The following MTG1 variants were observed in gnomAD, a reference collection of about 807,000 sequenced individuals.
The protein encoded by MTG1 is mitochondrial ribosome-associated GTPase 1.
MTG1 carries 30 observed loss-of-function variants against 39.5 expected under a neutral mutation model. That is an observed-to-expected ratio of 0.76 (90% CI 0.57 to 1.03). MTG1 has a LOEUF of 1.03. Among genes scored for constraint, MTG1 ranks in the 50% least tolerant of loss-of-function variants. The pLI is 0.00. For synonymous variants in MTG1, 217 were observed against 179.0 expected (o/e 1.21, Z -1.69); for missense variants, 513 against 447.4 (o/e 1.15, Z -1.32).
At chr10:133,419,633 A>G (rs1470372081) in intron 10 of MTG1, 41 bp downstream of exon 10, 2 of 1,521,514 alleles carry the variant, frequency 1.3e-6, no homozygotes, top group Non-Finnish European at 1.8e-6. Flanking sequence ...GCCTCACCCC[A>G]TCACCCTGGG....
chr10:133,405,672 G>A (rs1849959447), intron 9 of MTG1, among the ~76,000 whole-genome samples: 1 of 152,112 alleles, frequency 6.6e-6, no homozygotes, highest in Admixed American at 6.5e-5. Context: ...ACAAGATTTC[G>A]TCCTTTGTTA....
chr10:133,422,386 T>C lies in MTG1; in HGVS notation c.*2221T>C, dbSNP rs1056521. 0.23 allele frequency: 34,721 copies of C among 152,406 alleles called. 4,185 individuals carry two copies. Among genetic ancestry groups the C allele is most frequent in the East Asian group, 0.34 (1,735 of 5,158 alleles). 9.4% of individuals were successfully genotyped at this position (152,406 alleles called of 1,614,324 possible). ...CCTCTTCAGCGGGATTGGCAGTTGC[T>C]GTGCCCTGAGAACAGGCAGAACTGT... is the stretch of plus-strand genomic sequence containing the variant. On this transcript the variant is annotated 3_prime_UTR_variant, in exon 11 of 11. Transcript: ENST00000317502.
chr10:133,405,242 T>G (rs1355410197), intron 9 of MTG1, among the ~76,000 whole-genome samples: 2 of 152,224 alleles, frequency 1.3e-5, no homozygotes. Flanking sequence ...TATATTGAAC[T>G]CTTTTTTAAA....
intron 9 of MTG1, 27 bp from the exon 10 acceptor site, chr10:133,419,452 CT>C (rs952339740): frequency 1.2e-5 from 18 of 1,560,138 alleles, no homozygotes; most frequent in Non-Finnish European, 1.5e-5. Flanking sequence ...GCTGGGCCCC[CT>C]GGTGCTGACC....
Position 133,400,436 on chromosome 10 carries a change from C to T in MTG1, c.511+817C>T, listed in dbSNP as rs557915569. 6.0e-4 allele frequency among the ~76,000 whole-genome samples: 91 copies of T among 152,312 alleles called. 2 individuals carry two copies. In the South Asian group the frequency reaches 0.019, roughly 32 times the overall value. ...CGAGCACCCTTCACTGCCCCGTGGG[C>T]TCTTTTCCTTAAGTATTTTCAAGTT... On this transcript the variant is annotated intron_variant, in intron 6 of 10. Transcript: ENST00000317502.
intron 5 of MTG1, 63 bp from the exon 6 acceptor site, chr10:133,399,465 GT>G (rs776611060): frequency 7.5e-5 from 114 of 1,525,686 alleles, no homozygotes; most frequent in Non-Finnish European, 9.5e-5. Context: ...CCTGGGTGGG[GT>G]TGCAGAGTCT....
intron 9 of MTG1, among the ~76,000 whole-genome samples, chr10:133,407,655 G>A (rs769971241): frequency 1.3e-5 from 2 of 150,566 alleles, no homozygotes; most frequent in African/African-American, 2.5e-5. Flanking sequence ...CGCAACCTCC[G>A]CTTCCTGGGT....
At chr10:133,417,535 A>T (rs1850149370) in intron 9 of MTG1, among the ~76,000 whole-genome samples, 1 of 151,762 alleles carries the variant, frequency 6.6e-6, no homozygotes, top group African/African-American at 2.4e-5. Context: ...CAGGGCAGTT[A>T]GGCAGGAGAA....
intron 9 of MTG1, among the ~76,000 whole-genome samples, chr10:133,405,351 G>A (rs984468059): frequency 1.3e-5 from 2 of 152,178 alleles, no homozygotes; most frequent in African/African-American, 4.8e-5. Flanking sequence ...ATCAGATCAG[G>A]GTAATTGGGA....
chr10:133,399,134 A>G, intron 4 of MTG1, 36 bp from the exon 5 acceptor site: 2 of 1,613,898 alleles, frequency 1.2e-6, no homozygotes, highest in Non-Finnish European at 1.7e-6. Context: ...CAGACGTCCG[A>G]CCTGGGGTGG....
chr10:133,395,960 G>A (rs564291618), intron 2 of MTG1, among the ~76,000 whole-genome samples, 183 bp downstream of exon 2: 4 of 152,174 alleles, frequency 2.6e-5, no homozygotes, highest in Non-Finnish European at 5.9e-5. Flanking sequence ...ATATATCTGC[G>A]TCACTCAAGC....
In MTG1 at chr10:133,394,344, C is replaced by T; in HGVS notation, c.112+12C>T. The T allele has an allele frequency of 1.3e-6, 2 of 1,487,570 alleles. No homozygotes were observed. Among genetic ancestry groups the T allele is most frequent in the Non-Finnish European group, 1.8e-6 (2 of 1,122,718 alleles). 92.1% of individuals were successfully genotyped at this position (1,487,570 alleles called of 1,614,324 possible). A position where few individuals can be genotyped will look rare whatever the true frequency, so the allele number is the denominator to read the frequency against. ...CCACATGGCCAAGGGTGAGGCACGG[C>T]GGGGAGGGGCAAGGTCATGCCTACG... On this transcript the variant is annotated intron_variant, in intron 1 of 10. Coordinates refer to ENST00000317502, the MANE Select transcript of MTG1 (RefSeq NM_138384.4).
intron 9 of MTG1, among the ~76,000 whole-genome samples, chr10:133,418,247 TC>T (rs1850166000): frequency 6.6e-6 from 1 of 152,262 alleles, no homozygotes; most frequent in Admixed American, 6.5e-5. Flanking sequence ...CCTCAAGTGA[TC>T]CGTCCACCTT....
chr10:133,404,252 A>G (rs1296165091), intron 9 of MTG1, among the ~76,000 whole-genome samples: 2 of 148,320 alleles, frequency 1.3e-5, no homozygotes, highest in Admixed American at 6.8e-5. Context: ...TCAGCCTCCC[A>G]AGTAGCTGAG....
intron 9 of MTG1, among the ~76,000 whole-genome samples, chr10:133,409,351 G>T (rs1047187384): frequency 5.3e-5 from 8 of 152,084 alleles, no homozygotes; most frequent in Non-Finnish European, 5.9e-5. Context: ...TAGTTTTTGA[G>T]GTTCCTCTTG....
At position 133,420,175 on chromosome 10, in the gene MTG1, G is replaced by T. The variant is rs2133521167; in HGVS notation, c.*10G>T. On this transcript the variant is annotated 3_prime_UTR_variant, in exon 11 of 11. Coordinates refer to ENST00000317502, the MANE Select transcript of MTG1 (RefSeq NM_138384.4). ...TGAGACTTTGCCCTGAACTTGTCCG[G>T]GTAGGGAGGGCCGGAGGCATGTGGC... is the stretch of plus-strand genomic sequence containing the variant. 6 of 1,602,210 alleles carry T rather than the reference G, an allele frequency of 3.7e-6. No homozygotes were observed. In the East Asian group the frequency reaches 1.3e-4, roughly 36 times the overall value.
intron 3 of MTG1, among the ~76,000 whole-genome samples, 166 bp from the exon 4 acceptor site, chr10:133,398,269 G>T (rs538627218): frequency 5.3e-5 from 8 of 152,140 alleles, no homozygotes; most frequent in Admixed American, 2.6e-4. Flanking sequence ...GCGTGGTGGC[G>T]CATGCCTGTA....
chr10:133,395,923 G>C (rs564039579), intron 2 of MTG1, 146 bp downstream of exon 2: 1 of 888,708 alleles, frequency 1.1e-6, no homozygotes, highest in African/African-American at 1.7e-5. Context: ...TCCAGACTGC[G>C]TGTCTTTGAA....
At chr10:133,410,540 G>GT (rs1203811173) in intron 9 of MTG1, among the ~76,000 whole-genome samples, 1 of 152,118 alleles carries the variant, frequency 6.6e-6, no homozygotes, top group African/African-American at 2.4e-5. Context: ...TTGTTGCTTT[G>GT]TATTTTTAGT....
Sources: gnomAD v4.1 joint callset for allele counts (sites outside exome capture counted in the v4.1 genomes callset) on GRCh38, gnomAD v4.1.1 for gene constraint, MANE v1.5 for transcripts, NCBI Gene and HGNC (gene_info 2026-07-23, HGNC 2026-07-21) for gene names.